Variants in PAFAH1B1 observed in about 807,000 individuals in gnomAD.
PAFAH1B1 encodes the protein platelet-activating factor acetylhydrolase IB subunit beta.
A neutral mutation model predicts 57.5 loss-of-function variants in PAFAH1B1; 2 were observed. The observed-to-expected ratio is 0.03, with a 90% CI of 0.01 to 0.11. The LOEUF is 0.11. Among genes scored for constraint, PAFAH1B1 ranks in the 10% least tolerant of loss-of-function variants. PAFAH1B1 has a pLI of 1.00. For synonymous variants in PAFAH1B1, 152 were observed against 169.6 expected, an observed-to-expected ratio of 0.90 and a Z score of 0.81; for missense variants, 257 against 512.0, an observed-to-expected ratio of 0.50 and a Z score of 4.81.
At chr17:2,636,731 AT>A (rs1214834463) in intron 1 of PAFAH1B1, among the ~76,000 whole-genome samples, 2 of 150,818 alleles carry the variant, frequency 1.3e-5, no homozygotes, top group African/African-American at 4.9e-5. Flanking sequence ...GAAGGTATGC[AT>A]TTTTTTTTCC....
chr17:2,681,629 T>A, intron 10 of PAFAH1B1, 100 bp from the exon 11 acceptor site: 1 of 723,690 alleles, frequency 1.4e-6, no homozygotes, highest in East Asian at 3.3e-5. Context: ...GCCCGGCTAA[T>A]TTTTTTTTTA....
chr17:2,631,624 G>T (rs10445281), intron 1 of PAFAH1B1, among the ~76,000 whole-genome samples: 8,483 of 152,204 alleles, frequency 0.056, 363 homozygotes, highest in Non-Finnish European at 0.09. Context: ...CTTCTCTAGT[G>T]GGGGTGTGTG....
At chr17:2,635,646 A>C (rs34471859) in intron 1 of PAFAH1B1, 43,813 of 152,106 alleles carry the variant, frequency 0.29, 6,492 homozygotes, top group Middle Eastern at 0.36. Flanking sequence ...GATTACAGGC[A>C]TGAGCCACCA....
At chr17:2,625,108 G>A (rs2068472736) in intron 1 of PAFAH1B1, among the ~76,000 whole-genome samples, 1 of 151,554 alleles carries the variant, frequency 6.6e-6, no homozygotes, top group African/African-American at 2.4e-5. Context: ...CTTAGATGCT[G>A]CATTGGATAG....
At chr17:2,654,956 T>TC (rs1274068261) in intron 2 of PAFAH1B1, among the ~76,000 whole-genome samples, 3 of 144,788 alleles carry the variant, frequency 2.1e-5, no homozygotes, top group African/African-American at 7.7e-5. Context: ...TTTTTCTTCT[T>TC]TTTTTTTTTT....
intron 7 of PAFAH1B1, chr17:2,673,781 A>T (rs1315353741): frequency 4.8e-6 from 2 of 419,608 alleles, no homozygotes; most frequent in African/African-American, 4.0e-5. Flanking sequence ...GCTTTTTTCC[A>T]ATATGGCTGG....
chr17:2,638,467 T>G, intron 2 of PAFAH1B1, 147 bp downstream of exon 2: 1 of 683,098 alleles, frequency 1.5e-6, no homozygotes, highest in Non-Finnish European at 2.6e-6. Flanking sequence ...TTGGTCTGAT[T>G]TTAAAACAGT....
chr17:2,685,546 AT>A lies in PAFAH1B1; in HGVS notation c.*3746del, dbSNP rs1265346775. 1 of 151,666 alleles carries A rather than the reference AT, an allele frequency of 6.6e-6. No homozygotes were observed. The highest frequency in any genetic ancestry group is 2.4e-5 in the African/African-American group (1 of 41,072). 9.4% of individuals were successfully genotyped at this position (151,666 alleles called of 1,614,324 possible). On this transcript the variant is annotated 3_prime_UTR_variant, in exon 11 of 11. Transcript: ENST00000397195. ...TCTCAGACTGTGTAAAACAAAATTT[AT>A]TCATGTTTTCTGCATATTAAAAAAT...
Position 2,667,177 on chromosome 17 carries a change from T to G in PAFAH1B1, c.378T>G (p.Ala126=). 3 of 1,613,412 alleles carry G rather than the reference T, an allele frequency of 1.9e-6. No individual in the cohort carries two copies. The highest frequency in any genetic ancestry group is 2.5e-6 in the Non-Finnish European group (3 of 1,179,386). The change falls in exon 5 of 11, where the codon GCT becomes GCG. Residue 126 remains alanine (A), a synonymous_variant. Transcript: ENST00000397195. ...CTGTGTTCAGTGTTATGGTCTCTGC[T>G]TCAGAGGATGCTACAATTAAGGTAA... is the stretch of plus-strand genomic sequence containing the variant. ...FHPVFSVMVS[A]SEDATIKVWD... is the part of the protein sequence containing the mutation.
chr17:2,671,803 A>G (rs187507722), intron 6 of PAFAH1B1, among the ~76,000 whole-genome samples: 1 of 151,474 alleles, frequency 6.6e-6, no homozygotes, highest in African/African-American at 2.4e-5. Context: ...GGGTTTAACC[A>G]TATTGGCCAG....
chr17:2,661,469 T>G (rs1005057712), intron 2 of PAFAH1B1, among the ~76,000 whole-genome samples: 1 of 152,344 alleles, frequency 6.6e-6, no homozygotes, highest in East Asian at 1.9e-4. Flanking sequence ...ATCAGATGTT[T>G]GTAGATATGT....
chr17:2,666,987 T>G lies in PAFAH1B1; in HGVS notation c.193-5T>G. On this transcript the variant is annotated splice_polypyrimidine_tract_variant and splice_region_variant and intron_variant, in intron 4 of 10. Coordinates refer to ENST00000397195, the MANE Select transcript of PAFAH1B1 (RefSeq NM_000430.4). ...TCTGTACGTAACTACATGTTCTTTTTCAAGGTTATGGAATTAGAATCAAAG... is the reference window on the plus strand; with the variant it reads ...TCTGTACGTAACTACATGTTCTTTTGCAAGGTTATGGAATTAGAATCAAAG... 1 of 1,606,240 alleles carries G rather than the reference T, an allele frequency of 6.2e-7. No homozygotes were observed.
intron 6 of PAFAH1B1, among the ~76,000 whole-genome samples, chr17:2,670,726 C>A (rs2069170325): frequency 1.3e-5 from 2 of 152,132 alleles, no homozygotes; most frequent in South Asian, 4.2e-4. Context: ...GAGCTGAGCG[C>A]ACAGACCCCA....
intron 1 of PAFAH1B1, among the ~76,000 whole-genome samples, chr17:2,616,625 G>T (rs562042522): frequency 6.6e-6 from 1 of 152,288 alleles, no homozygotes; most frequent in Non-Finnish European, 1.5e-5. Flanking sequence ...AATGTTAATT[G>T]TATCTGAAGA....
chr17:2,618,386 C>T (rs777757536), intron 1 of PAFAH1B1, among the ~76,000 whole-genome samples: 1 of 152,080 alleles, frequency 6.6e-6, no homozygotes, highest in Non-Finnish European at 1.5e-5. Context: ...ATTTTGCCAC[C>T]TTTTAATCAG....
chr17:2,662,862 A>C (rs1292891251), intron 2 of PAFAH1B1, among the ~76,000 whole-genome samples: 1 of 152,002 alleles, frequency 6.6e-6, no homozygotes, highest in Non-Finnish European at 1.5e-5. Flanking sequence ...TGTAATCCCA[A>C]CACTTTGGGA....
At chr17:2,641,804 C>T (rs1209697104) in intron 2 of PAFAH1B1, 1 of 152,138 alleles carries the variant, frequency 6.6e-6, no homozygotes, top group Non-Finnish European at 1.5e-5. Flanking sequence ...TTTCTGGGCC[C>T]TTTAAGTAGA....
intron 1 of PAFAH1B1, among the ~76,000 whole-genome samples, chr17:2,634,880 C>T (rs1455680608): frequency 2.6e-5 from 4 of 152,106 alleles, no homozygotes; most frequent in African/African-American, 9.7e-5. Flanking sequence ...AAGACCAAGT[C>T]CAGCCAGGTG....
chr17:2,626,320 A>G (rs966779199), intron 1 of PAFAH1B1, among the ~76,000 whole-genome samples: 3 of 152,102 alleles, frequency 2.0e-5, no homozygotes, highest in Non-Finnish European at 2.9e-5. Flanking sequence ...TTAAAAGGCA[A>G]CTGGAAAGGT....
Sources: gnomAD v4.1 joint callset for allele counts (sites outside exome capture counted in the v4.1 genomes callset) on GRCh38, gnomAD v4.1.1 for gene constraint, MANE v1.5 for transcripts, NCBI Gene and HGNC (gene_info 2026-07-23, HGNC 2026-07-21) for gene names.